GAS7: variants seen among roughly 807,000 people sequenced by gnomAD.
GAS7 encodes the protein growth arrest-specific protein 7.
In GAS7, 28 loss-of-function variants were observed where a neutral mutation model predicts 71.1. The observed-to-expected ratio is 0.39, with a 90% CI of 0.29 to 0.54. The LOEUF is 0.54. Ranked by LOEUF, GAS7 falls within the 20% of genes least tolerant of loss-of-function variation. The probability of loss-of-function intolerance (pLI) is 0.62; values close to 1 mark genes in which losing one functional copy is unlikely to be tolerated. For synonymous variants in GAS7, 258 were observed against 245.8 expected, an observed-to-expected ratio of 1.05 and a Z score of -0.46; for missense variants, 436 against 627.8, an observed-to-expected ratio of 0.69 and a Z score of 3.27.
chr17:9,990,891 C>T (rs1442588852), intron 2 of GAS7, among the ~76,000 whole-genome samples: 3 of 152,088 alleles, frequency 2.0e-5, no homozygotes, highest in Non-Finnish European at 4.4e-5. Flanking sequence ...AGAGCTCTGG[C>T]GCTGGCATCT....
At chr17:10,124,571 C>T (rs1007244001) in intron 1 of GAS7, among the ~76,000 whole-genome samples, 1 of 152,180 alleles carries the variant, frequency 6.6e-6, no homozygotes, top group Admixed American at 6.5e-5. Flanking sequence ...CCAGGCTTAG[C>T]CAGCGAATGG....
intron 1 of GAS7, among the ~76,000 whole-genome samples, chr17:10,113,355 C>T (rs1234951048): frequency 6.6e-6 from 1 of 152,182 alleles, no homozygotes; most frequent in Non-Finnish European, 1.5e-5. Context: ...CAGAGACCCT[C>T]ACCCACGTGC....
At chr17:10,153,210 A>AAAAAAAAACAAAGCAAAAC (rs1555537829) in intron 1 of GAS7, among the ~76,000 whole-genome samples, 5 of 145,274 alleles carry the variant, frequency 3.4e-5, no homozygotes, top group African/African-American at 1.3e-4. Flanking sequence ...CCTCCGTCTC[A>AAAAAAAAACAAAGCAAAAC]AAAAAAAAAC....
chr17:10,071,759 A>ATAG (rs2073341708), intron 1 of GAS7, among the ~76,000 whole-genome samples: 2 of 150,896 alleles, frequency 1.3e-5, no homozygotes. Flanking sequence ...ACCCCTTCAA[A>ATAG]TAATAATAAT....
intron 1 of GAS7, among the ~76,000 whole-genome samples, chr17:10,163,121 T>TC (rs781117770): frequency 2.6e-5 from 4 of 152,178 alleles, no homozygotes; most frequent in South Asian, 2.1e-4. Flanking sequence ...AAATTATTTT[T>TC]CTTTGTAGAG....
intron 2 of GAS7, among the ~76,000 whole-genome samples, chr17:10,003,262 A>G (rs2071343143): frequency 6.6e-6 from 1 of 152,214 alleles, no homozygotes. Flanking sequence ...GGTGTCTGGC[A>G]TGGCCCAGAG....
At chr17:10,188,343 G>A (rs916307451) in intron 1 of GAS7, among the ~76,000 whole-genome samples, 1 of 152,168 alleles carries the variant, frequency 6.6e-6, no homozygotes. Flanking sequence ...GTTCCTTCTG[G>A]TGTACATTGA....
chr17:10,189,976 G>A (rs2074485473), intron 1 of GAS7, among the ~76,000 whole-genome samples: 1 of 151,350 alleles, frequency 6.6e-6, no homozygotes, highest in Admixed American at 6.6e-5. Flanking sequence ...ATCAAAAGAA[G>A]AATAATACTT....
chr17:9,963,742 C>T (rs1419381401), intron 4 of GAS7, among the ~76,000 whole-genome samples: 1 of 151,862 alleles, frequency 6.6e-6, no homozygotes, highest in Admixed American at 6.6e-5. Context: ...TCTCTTTTTT[C>T]TTTCTTAAAA....
chr17:10,036,609 C>A, intron 1 of GAS7: 1 of 1,457,864 alleles, frequency 6.9e-7, no homozygotes, highest in Admixed American at 2.6e-5. Flanking sequence ...CTGGGCACCC[C>A]AGCGGAGGTT....
At chr17:10,086,316 T>G (rs1296047837) in intron 1 of GAS7, among the ~76,000 whole-genome samples, 1 of 152,206 alleles carries the variant, frequency 6.6e-6, no homozygotes, top group African/African-American at 2.4e-5. Context: ...CCACAGTCAT[T>G]AGCTAATCAG....
intron 1 of GAS7, among the ~76,000 whole-genome samples, chr17:10,165,503 A>G (rs1484483360): frequency 3.9e-5 from 6 of 152,080 alleles, no homozygotes; most frequent in Non-Finnish European, 7.4e-5. Context: ...TTACTTAGCA[A>G]TGCCTTTTAT....
chr17:10,047,525 GA>G (rs1281670908), intron 1 of GAS7, among the ~76,000 whole-genome samples: 1 of 152,112 alleles, frequency 6.6e-6, no homozygotes, highest in Non-Finnish European at 1.5e-5. Context: ...ATAAAGAGGG[GA>G]AATATGCAAA....
chr17:10,166,976 C>T (rs1365229336), intron 1 of GAS7, among the ~76,000 whole-genome samples: 1 of 151,472 alleles, frequency 6.6e-6, no homozygotes, highest in Admixed American at 6.6e-5. Flanking sequence ...CTTCACTCTG[C>T]CACTACCTGC....
At chr17:10,117,974 G>A (rs1365450156) in intron 1 of GAS7, among the ~76,000 whole-genome samples, 5 of 152,178 alleles carry the variant, frequency 3.3e-5, no homozygotes, top group Non-Finnish European at 7.4e-5. Context: ...TGAGCTGTGA[G>A]AAGCCACTGT....
At chr17:10,163,509 C>T (rs148909775) in intron 1 of GAS7, among the ~76,000 whole-genome samples, 7 of 150,568 alleles carry the variant, frequency 4.6e-5, no homozygotes, top group African/African-American at 1.7e-4. Context: ...TATCTGGCTA[C>T]AAAAATGCTT....
intron 1 of GAS7, among the ~76,000 whole-genome samples, chr17:10,177,935 A>G (rs1320706784): frequency 2.0e-5 from 3 of 152,094 alleles, no homozygotes; most frequent in Non-Finnish European, 2.9e-5. Context: ...AACAAACCAG[A>G]ACACCGGCCG....
Position 9,926,345 on chromosome 17 carries a change from G to A in GAS7, c.1014+296C>T, listed in dbSNP as rs1254062601. Among the ~76,000 whole-genome samples, 1 of 152,136 alleles carries A rather than the reference G, an allele frequency of 6.6e-6. No homozygotes were observed. Among genetic ancestry groups the A allele is most frequent in the African/African-American group, 2.4e-5 (1 of 41,432 alleles). On this transcript the variant is annotated intron_variant, in intron 10 of 13. Coordinates refer to ENST00000432992, the MANE Select transcript of GAS7 (RefSeq NM_201433.2). This position sits in a 1 kb window ranked among gnomAD's most constrained non-coding sequence, Gnocchi z 5.0. ...CGTGAACCAGCAGCAGCACTGCTAG[G>A]CTCGGGGTTTAACTGGTCGCCAACA...
intron 11 of GAS7, among the ~76,000 whole-genome samples, 190 bp downstream of exon 11, chr17:9,925,282 CTCTT>C (rs917102904): frequency 3.9e-5 from 6 of 152,304 alleles, no homozygotes; most frequent in Admixed American, 3.9e-4. Context: ...CCCCCAAAGT[CTCTT>C]TCTTTGAGAT....
Sources: gnomAD v4.1 joint callset for allele counts (sites outside exome capture counted in the v4.1 genomes callset) on GRCh38, gnomAD v4.1.1 for gene constraint, Gnocchi (gnomAD v3.1) non-coding constraint, MANE v1.5 for transcripts, NCBI Gene and HGNC (gene_info 2026-07-23, HGNC 2026-07-21) for gene names.